The following ESRRG variants were observed in gnomAD, a reference collection of about 807,000 sequenced individuals.
The protein encoded by ESRRG is estrogen-related receptor gamma.
ESRRG carries 13 observed loss-of-function variants against 44.0 expected under a neutral mutation model. The ratio of observed to expected loss-of-function variants is 0.30; its 90% CI spans 0.19 to 0.47. The LOEUF (loss-of-function observed/expected upper bound fraction) is 0.47, where lower values mean the gene tolerates loss of function less well. Among genes scored for constraint, ESRRG ranks in the 20% least tolerant of loss-of-function variants. The probability of loss-of-function intolerance (pLI) is 1.00; values close to 1 mark genes in which losing one functional copy is unlikely to be tolerated. For synonymous variants in ESRRG, 215 were observed against 214.6 expected (o/e 1.00, Z -0.02); for missense variants, 395 against 580.6 (o/e 0.68, Z 3.29).
intron 2 of ESRRG, among the ~76,000 whole-genome samples, chr1:216,748,870 G>A (rs2091710275): frequency 6.6e-6 from 1 of 152,048 alleles, no homozygotes; most frequent in Admixed American, 6.6e-5. Context: ...CTCCTTGGGG[G>A]CACCACATAC....
chr1:216,912,662 A>G (rs555353703), intron 2 of ESRRG, among the ~76,000 whole-genome samples: 3 of 152,318 alleles, frequency 2.0e-5, no homozygotes, highest in Non-Finnish European at 4.4e-5. Flanking sequence ...CTACTGATAC[A>G]ATAATACTTT....
chr1:216,752,039 G>C (rs1225581984), intron 2 of ESRRG, among the ~76,000 whole-genome samples: 1 of 152,010 alleles, frequency 6.6e-6, no homozygotes, highest in Non-Finnish European at 1.5e-5. Flanking sequence ...TTACTTCAAG[G>C]CGTCCTTAGC....
chr1:216,961,661 A>T (rs1422033241), intron 1 of ESRRG, among the ~76,000 whole-genome samples: 1 of 147,592 alleles, frequency 6.8e-6, no homozygotes, highest in Non-Finnish European at 1.5e-5. Context: ...GCTGTTTTCT[A>T]CGGCAGCATA....
intron 2 of ESRRG, among the ~76,000 whole-genome samples, chr1:216,882,107 G>T (rs760301578): frequency 1.6e-4 from 24 of 152,062 alleles, no homozygotes; most frequent in Non-Finnish European, 3.2e-4. Context: ...TTATGGGCAG[G>T]TGGGCATTAT....
chr1:216,560,296 C>A (rs754126582), intron 5 of ESRRG, among the ~76,000 whole-genome samples: 5 of 151,990 alleles, frequency 3.3e-5, no homozygotes, highest in Non-Finnish European at 7.4e-5. Context: ...TGAGCAAAGT[C>A]CTCCTTCTTC....
At chr1:216,574,728 G>A (rs141067034) in intron 3 of ESRRG, among the ~76,000 whole-genome samples, 1,774 of 152,170 alleles carry the variant, frequency 0.012, 37 homozygotes, top group African/African-American at 0.04. Context: ...TGAAAAGATC[G>A]TTAATGAACA....
intron 1 of ESRRG, among the ~76,000 whole-genome samples, chr1:217,079,392 G>C (rs998406824): frequency 6.6e-6 from 1 of 152,208 alleles, no homozygotes; most frequent in Non-Finnish European, 1.5e-5. Context: ...GGTAGCACGG[G>C]AGAATGTTCC....
intron 2 of ESRRG, among the ~76,000 whole-genome samples, chr1:216,735,815 C>T (rs2089756832): frequency 6.6e-6 from 1 of 151,456 alleles, no homozygotes; most frequent in Non-Finnish European, 1.5e-5. Flanking sequence ...CCCGTCTCTA[C>T]TAAAAATACA....
Position 217,071,536 on chromosome 1 carries a change from A to G in ESRRG, c.-106+17971T>C, listed in dbSNP as rs1350898863. On this transcript the variant is annotated intron_variant, in intron 1 of 7. Coordinates refer to the ESRRG transcript ENST00000359162. ...TAGCCTAATGCCTGGTTACATGGTAAGTGAACAGTAAGGAGCAGATACTAT... is the reference window on the plus strand; with the variant it reads ...TAGCCTAATGCCTGGTTACATGGTAGGTGAACAGTAAGGAGCAGATACTAT... 2.6e-5 allele frequency among the ~76,000 whole-genome samples: 4 copies of G among 152,246 alleles called. No homozygotes were observed. In the East Asian group the frequency reaches 7.7e-4, roughly 29 times the overall value.
chr1:216,612,612 G>A (rs1034721692), intron 3 of ESRRG, among the ~76,000 whole-genome samples: 6 of 152,072 alleles, frequency 3.9e-5, no homozygotes, highest in African/African-American at 1.4e-4. Flanking sequence ...AGCCCCACAA[G>A]GCAGGAAGAA....
chr1:216,767,892 AAGAC>A (rs2093164565), intron 2 of ESRRG, among the ~76,000 whole-genome samples: 1 of 152,180 alleles, frequency 6.6e-6, no homozygotes, highest in African/African-American at 2.4e-5. Flanking sequence ...CTTTCATAAG[AAGAC>A]AGTAACCCAT....
At chr1:216,706,580 T>C (rs1335447444) in intron 1 of ESRRG, among the ~76,000 whole-genome samples, 1 of 152,144 alleles carries the variant, frequency 6.6e-6, no homozygotes, top group African/African-American at 2.4e-5. Context: ...TCACTTGCAA[T>C]TGGAAACTTA....
At chr1:216,782,986 A>G (rs994043179) in intron 2 of ESRRG, among the ~76,000 whole-genome samples, 3 of 152,026 alleles carry the variant, frequency 2.0e-5, no homozygotes, top group African/African-American at 2.4e-5. Flanking sequence ...CCCTCTGTTC[A>G]TTATAAATAG....
intron 2 of ESRRG, among the ~76,000 whole-genome samples, chr1:216,791,840 G>A (rs1257945067): frequency 6.6e-6 from 1 of 152,114 alleles, no homozygotes; most frequent in East Asian, 1.9e-4. Flanking sequence ...TAGATCTTCT[G>A]CATAGTTTTG....
intron 5 of ESRRG, among the ~76,000 whole-genome samples, chr1:216,545,545 A>G (rs115565269): frequency 2.0e-5 from 3 of 152,070 alleles, no homozygotes; most frequent in African/African-American, 7.2e-5. Context: ...TCAAATATAC[A>G]TAGCTTTGAT....
intron 1 of ESRRG, among the ~76,000 whole-genome samples, chr1:216,955,936 C>T (rs986213145): frequency 2.0e-5 from 3 of 152,056 alleles, no homozygotes; most frequent in Non-Finnish European, 4.4e-5. Context: ...CTTGTGTATT[C>T]TGGATATTGG....
intron 5 of ESRRG, among the ~76,000 whole-genome samples, chr1:216,524,900 A>G (rs762204390): frequency 3.3e-5 from 5 of 152,188 alleles, no homozygotes; most frequent in South Asian, 4.1e-4. Context: ...ACGCAAAGGT[A>G]ATATCTACCA....
At chr1:217,004,385 G>A (rs1388741078) in intron 1 of ESRRG, among the ~76,000 whole-genome samples, 2 of 152,252 alleles carry the variant, frequency 1.3e-5, no homozygotes, top group Non-Finnish European at 1.5e-5. Context: ...AGTCTCAGGA[G>A]AGCTGATGGT....
intron 1 of ESRRG, among the ~76,000 whole-genome samples, chr1:216,679,631 T>TA (rs544987633): frequency 7.0e-6 from 1 of 143,632 alleles, no homozygotes; most frequent in African/African-American, 2.6e-5. Flanking sequence ...AATTTTTTTT[T>TA]TCTTTTTTTT....
Sources: gnomAD v4.1 joint callset for allele counts (sites outside exome capture counted in the v4.1 genomes callset) on GRCh38, gnomAD v4.1.1 for gene constraint, MANE v1.5 for transcripts, NCBI Gene and HGNC (gene_info 2026-07-23, HGNC 2026-07-21) for gene names.